Variants in ECPAS observed in about 807,000 individuals in gnomAD.
The protein encoded by ECPAS is proteasome adapter and scaffold protein ECM29.
ECPAS carries 70 observed loss-of-function variants against 255.1 expected under a neutral mutation model. The observed-to-expected ratio is 0.27, with a 90% CI of 0.23 to 0.33. The LOEUF (loss-of-function observed/expected upper bound fraction) is 0.33, where lower values mean the gene tolerates loss of function less well. ECPAS is among the 10% of genes least tolerant of loss of function. ECPAS has a pLI of 1.00. For missense variants in ECPAS, 1,817 were observed against 2,206.4 expected (o/e 0.82, Z 3.54); for synonymous variants, 784 against 775.0 (o/e 1.01, Z -0.19).
chr9:111,390,165 C>T (rs1278057470), intron 29 of ECPAS, 64 bp from the exon 30 acceptor site: 8 of 956,768 alleles, frequency 8.4e-6, no homozygotes, highest in Non-Finnish European at 1.3e-5. Context: ...TAAAAAATTA[C>T]ATCATCAATA....
chr9:111,422,984 A>G (rs535637719), intron 13 of ECPAS, among the ~76,000 whole-genome samples: 5 of 152,346 alleles, frequency 3.3e-5, no homozygotes, highest in African/African-American at 1.2e-4. Flanking sequence ...TCATTTCAAG[A>G]CCACCATTTA....
At chr9:111,468,604 C>T (rs1484448943) in intron 2 of ECPAS, among the ~76,000 whole-genome samples, 1 of 150,430 alleles carries the variant, frequency 6.6e-6, no homozygotes, top group Non-Finnish European at 1.5e-5. Context: ...CTAGGACATA[C>T]CAATTCTGGG....
In ECPAS at chr9:111,372,410, C is replaced by T. The variant is rs1404374843; in HGVS notation, c.4528+19G>A. The T allele has an allele frequency of 1.2e-6, 2 of 1,606,376 alleles. No homozygotes were observed. The highest frequency in any genetic ancestry group is 1.3e-5 in the African/African-American group (1 of 74,690). Reference sequence around the variant, plus strand: ...TGTGATTCCTAAGAAGCAGGTTTAACTCAGGCCACACTACTAACCAGGTAC... The same window carrying T: ...TGTGATTCCTAAGAAGCAGGTTTAATTCAGGCCACACTACTAACCAGGTAC... On this transcript the variant is annotated intron_variant, in intron 42 of 49. Coordinates refer to ENST00000684092, the MANE Select transcript of ECPAS (RefSeq NM_001364929.1).
At chr9:111,366,362 T>C (rs1159012285) in intron 47 of ECPAS, 35 bp from the exon 48 acceptor site, 10 of 1,489,132 alleles carry the variant, frequency 6.7e-6, no homozygotes, top group Non-Finnish European at 7.3e-6. Context: ...CAAATGCCAA[T>C]TATTAAGAAA....
chr9:111,416,399 C>G, intron 17 of ECPAS, 47 bp from the exon 18 acceptor site: 1 of 1,369,048 alleles, frequency 7.3e-7, no homozygotes, highest in African/African-American at 1.4e-5. Context: ...AAAAATGAAG[C>G]ATACCTGCCC....
At chr9:111,416,245 G>A (rs1441056508) in intron 18 of ECPAS, 27 bp downstream of exon 18, 3 of 1,559,544 alleles carry the variant, frequency 1.9e-6, no homozygotes, top group Non-Finnish European at 2.7e-6. Context: ...CTTACAAAAA[G>A]TAAATAGAAA....
chr9:111,366,374 A>G (rs1298907168), intron 47 of ECPAS, 47 bp from the exon 48 acceptor site: 1 of 1,442,402 alleles, frequency 6.9e-7, no homozygotes, highest in Admixed American at 2.0e-5. Flanking sequence ...ATTAAGAAAC[A>G]GTCTAAAACT....
intron 6 of ECPAS, 41 bp from the exon 7 acceptor site, chr9:111,437,149 A>T: frequency 6.7e-7 from 1 of 1,494,436 alleles, no homozygotes; most frequent in South Asian, 1.3e-5. Context: ...TAAATACAAA[A>T]GCATTTACAA....
At chr9:111,417,250 A>T (rs760468076) in intron 17 of ECPAS, among the ~76,000 whole-genome samples, 2 of 152,052 alleles carry the variant, frequency 1.3e-5, no homozygotes, top group African/African-American at 2.4e-5. Context: ...AAAAAAAAAT[A>T]AAAAAATTTT....
rs1319647185 is a variant in ECPAS, at chr9:111,479,433, C to CA, written c.-83+4682dup. ...CAACACGGTGAAATCCTGTCTCTAC[C>CA]AAAAAAAAAATTAGCCGGGCATGGT... On this transcript the variant is annotated intron_variant, in intron 1 of 49. Transcript: ENST00000684092. Among the ~76,000 whole-genome samples, 645 of 146,296 alleles carry CA rather than the reference C, an allele frequency of 4.4e-3. 2 individuals are homozygous for CA. Among genetic ancestry groups the CA allele is most frequent in the African/African-American group, 0.015 (597 of 39,942 alleles).
At chr9:111,401,761 T>C (rs1426135429) in intron 24 of ECPAS, among the ~76,000 whole-genome samples, 2 of 152,230 alleles carry the variant, frequency 1.3e-5, no homozygotes, top group South Asian at 4.1e-4. Flanking sequence ...GGGAAAAGAA[T>C]TAAGTGATAC....
At chr9:111,443,790 C>T (rs907175024) in intron 4 of ECPAS, among the ~76,000 whole-genome samples, 1 of 152,122 alleles carries the variant, frequency 6.6e-6, no homozygotes, top group African/African-American at 2.4e-5. Flanking sequence ...GTGCTAGGAA[C>T]TACAAGGACC....
chr9:111,456,576 G>A (rs1387148151), intron 2 of ECPAS, among the ~76,000 whole-genome samples: 5 of 152,144 alleles, frequency 3.3e-5, no homozygotes, highest in Admixed American at 3.3e-4. Context: ...TACAAAAATG[G>A]AAAAACATAC....
chr9:111,442,500 C>T (rs2098247263), intron 4 of ECPAS, 76 bp from the exon 5 acceptor site: 1 of 916,846 alleles, frequency 1.1e-6, no homozygotes, highest in African/African-American at 1.7e-5. Flanking sequence ...TGATTGATAA[C>T]TTAGAGAGTT....
intron 16 of ECPAS, 66 bp from the exon 17 acceptor site, chr9:111,418,072 A>C (rs2098207163): frequency 7.0e-7 from 1 of 1,419,154 alleles, no homozygotes; most frequent in African/African-American, 1.5e-5. Flanking sequence ...CATTTGAAGA[A>C]TAAGAACAGC....
chr9:111,374,996 T>G, intron 38 of ECPAS, 117 bp downstream of exon 38: 1 of 715,306 alleles, frequency 1.4e-6, no homozygotes. Context: ...AATAAAATGG[T>G]TAGTGTATAA....
Position 111,378,677 on chromosome 9 carries a change from T to C in ECPAS, c.3857A>G (p.His1286Arg), listed in dbSNP as rs749731897. Residue 1286 changes from histidine to arginine, a missense_variant, in exon 36 of 50, where the codon CAT becomes CGT. Around this residue, in one of 4 missense-constraint regions of ECPAS, gnomAD observed 960 missense variants for 1,179.0 expected, o/e 0.81. Coordinates refer to ENST00000684092, the MANE Select transcript of ECPAS (RefSeq NM_001364929.1). ...SKSAGAMLKP[H>R]APKLIPALLE... Reference sequence around the variant, plus strand: ...CAGAGCTGGAATGAGTTTTGGTGCATGCGGTTTCAACATGGCTCCTGCACT... The same window carrying C: ...CAGAGCTGGAATGAGTTTTGGTGCACGCGGTTTCAACATGGCTCCTGCACT... The C allele has an allele frequency of 1.2e-6, 2 of 1,613,838 alleles. No individual in the cohort carries two copies. Among genetic ancestry groups the C allele is most frequent in the South Asian group, 2.2e-5 (2 of 91,066 alleles).
chr9:111,377,826 A>G (rs1423135411), intron 36 of ECPAS, among the ~76,000 whole-genome samples: 5 of 152,032 alleles, frequency 3.3e-5, no homozygotes, highest in Non-Finnish European at 7.4e-5. Flanking sequence ...TTCACAATAA[A>G]TATGTTTCAT....
chr9:111,477,613 A>G (rs548988724), intron 1 of ECPAS, among the ~76,000 whole-genome samples: 3 of 152,314 alleles, frequency 2.0e-5, no homozygotes, highest in African/African-American at 7.2e-5. Context: ...GTAGGGCAGA[A>G]TTAATACAAA....
Sources: allele counts gnomAD v4.1 joint callset (sites outside exome capture counted in the v4.1 genomes callset), GRCh38; gene constraint gnomAD v4.1.1; regional missense constraint gnomAD v4.1.1; transcripts MANE v1.5; gene names NCBI Gene and HGNC (gene_info 2026-07-23, HGNC 2026-07-21).